Variants in KCNS1 observed in about 807,000 individuals in gnomAD.
KCNS1 encodes the protein delayed-rectifier potassium channel regulatory subunit KCNS1.
Under a neutral mutation model 33.1 loss-of-function variants are expected in KCNS1, and 26 were observed. The observed-to-expected ratio is 0.79, with a 90% CI of 0.58 to 1.09. The LOEUF is 1.09. Among genes scored for constraint, KCNS1 ranks in the 50% least tolerant of loss-of-function variants. The pLI is 0.00. For missense variants in KCNS1, 702 were observed against 752.4 expected (o/e 0.93, Z 0.78); for synonymous variants, 299 against 338.8 (o/e 0.88, Z 1.29).
Position 45,094,625 on chromosome 20 carries a change from G to T in KCNS1, c.*245C>A. 4.1e-6 allele frequency: 2 copies of T among 491,060 alleles called. No homozygotes were observed. Among genetic ancestry groups the T allele is most frequent in the South Asian group, 5.8e-5 (2 of 34,340 alleles). The allele number at this position is 491,060 out of a possible 1,614,324, so 30.4% of individuals were successfully genotyped here. A position where few individuals can be genotyped will look rare whatever the true frequency, so the allele number is the denominator to read the frequency against. ...GTATCCTTTCAACTTCCTCCCTCTG[G>T]CTCATGCCTGCTTCATGAATGGCTT... On this transcript the variant is annotated 3_prime_UTR_variant, in exon 4 of 4. Transcript: ENST00000537075.
At position 45,092,231 on chromosome 20, in the gene KCNS1, T is replaced by A. The variant is rs890581792; in HGVS notation, c.*2639A>T. ...GCCTGAGAATGTGGATTCCAAGTCATTCCACATATTGCCCACCCTCTCCAA... is the reference window on the plus strand; with the variant it reads ...GCCTGAGAATGTGGATTCCAAGTCAATCCACATATTGCCCACCCTCTCCAA... On this transcript the variant is annotated 3_prime_UTR_variant, in exon 4 of 4. Coordinates refer to ENST00000537075, the MANE Select transcript of KCNS1 (RefSeq NM_001322799.2). 6.6e-6 allele frequency: 1 copy of A among 152,126 alleles called. No homozygotes were observed. The highest frequency in any genetic ancestry group is 1.5e-5 in the Non-Finnish European group (1 of 68,034). 9.4% of individuals were successfully genotyped at this position (152,126 alleles called of 1,614,324 possible).
chr20:45,094,867 G>T lies in KCNS1; in HGVS notation c.*3C>A, dbSNP rs764581184. On this transcript the variant is annotated 3_prime_UTR_variant, in exon 4 of 4. Transcript: ENST00000537075. ...CATGGCAGGGGGTCACGGATCCCTG[G>T]TTTTAATACATCTGAGGGTGTGGAG... The T allele has an allele frequency of 6.2e-7, 1 of 1,603,178 alleles. No homozygotes were observed. Among genetic ancestry groups the T allele is most frequent in the Admixed American group, 1.7e-5 (1 of 58,906 alleles).
rs1488420150 is a variant in KCNS1, at chr20:45,093,059, T to C, written c.*1811A>G. The C allele has an allele frequency of 1.3e-5, 2 of 152,100 alleles. No individual in the cohort carries two copies. 9.4% of individuals were successfully genotyped at this position (152,100 alleles called of 1,614,324 possible). A position where few individuals can be genotyped will look rare whatever the true frequency, so the allele number is the denominator to read the frequency against. ...TCAGAAGCCAGTATATCAGAGTGGC[T>C]GGGCATAACACAACGGCATGTGTGT... On this transcript the variant is annotated 3_prime_UTR_variant, in exon 4 of 4. Coordinates refer to ENST00000537075, the MANE Select transcript of KCNS1 (RefSeq NM_001322799.2).
At position 45,095,114 on chromosome 20, in the gene KCNS1, A is replaced by T. The variant is rs770254063; in HGVS notation, c.1337T>A (p.Ile446Asn). ...GGTGATGGGGAGTGCTACCACCAGGATGCCCCCTAGGATGCAGCCTGAGGC... is the reference window on the plus strand; with the variant it reads ...GGTGATGGGGAGTGCTACCACCAGGTTGCCCCCTAGGATGCAGCCTGAGGC... ...LAASGCILGG[I>N]LVVALPITII... Residue 446 changes from isoleucine to asparagine, a missense_variant, in exon 4 of 4, where the codon ATC (isoleucine) becomes AAC (asparagine). Physicochemically the swap from Ile to Asn is moderately radical, Grantham distance 149. Around this residue, in one of 3 missense-constraint regions of KCNS1, gnomAD observed 253 missense variants for 327.4 expected, o/e 0.77. Coordinates refer to ENST00000537075, the MANE Select transcript of KCNS1 (RefSeq NM_001322799.2). The T allele has an allele frequency of 6.2e-6, 10 of 1,613,888 alleles. No homozygotes were observed. The South Asian group carries it at 1.1e-4, about 18-fold the overall frequency.
chr20:45,093,180 C>T lies in KCNS1; in HGVS notation c.*1690G>A, dbSNP rs1981056823. 2 of 152,144 alleles carry T rather than the reference C, an allele frequency of 1.3e-5. No individual in the cohort carries two copies. The highest frequency in any genetic ancestry group is 6.5e-5 in the Admixed American group (1 of 15,274). The allele number at this position is 152,144 out of a possible 1,614,324, so 9.4% of individuals were successfully genotyped here. ...AGATTCTTAAAATATAATAAAAACA[C>T]TGTTGGACTAAGCCGAAACATGACT... On this transcript the variant is annotated 3_prime_UTR_variant, in exon 4 of 4. Transcript: ENST00000537075.
chr20:45,098,318 A>C lies in KCNS1; in HGVS notation c.454T>G (p.Cys152Gly). ...GLGENALAAC[C>G]RARYLERRLT... The stretch of plus-strand genomic sequence containing the variant: ...CGCCTCTCCAGGTAGCGCGCGCGGC[A>C]GCACGCGGCAAGCGCGTTCTCGCCT... Residue 152 changes from cysteine (C) to glycine (G), a missense_variant, in exon 3 of 4, where the codon TGC (cysteine) becomes GGC (glycine). Transcript: ENST00000537075. This position sits in a 1 kb window ranked among gnomAD's most constrained non-coding sequence, Gnocchi z 5.2. The C allele has an allele frequency of 6.4e-7, 1 of 1,573,332 alleles. No homozygotes were observed. Among genetic ancestry groups the C allele is most frequent in the Non-Finnish European group, 8.6e-7 (1 of 1,161,374 alleles).
At position 45,093,742 on chromosome 20, in the gene KCNS1, G is replaced by A. The variant is rs1310039272; in HGVS notation, c.*1128C>T. The A allele has an allele frequency of 6.6e-6, 1 of 152,594 alleles. No individual in the cohort carries two copies. Among genetic ancestry groups the A allele is most frequent in the Non-Finnish European group, 1.5e-5 (1 of 68,324 alleles). 9.5% of individuals were successfully genotyped at this position (152,594 alleles called of 1,614,324 possible). On this transcript the variant is annotated 3_prime_UTR_variant, in exon 4 of 4. Coordinates refer to ENST00000537075, the MANE Select transcript of KCNS1 (RefSeq NM_001322799.2). ...GAGAGGACTCTCACACATGGGCCTG[G>A]ATGGGTACTCTAGGTAGGGCTGGAC...
chr20:45,097,438 C>G (rs1981218271), intron 3 of KCNS1, among the ~76,000 whole-genome samples: 1 of 152,210 alleles, frequency 6.6e-6, no homozygotes, highest in Admixed American at 6.5e-5. Flanking sequence ...CCAGTTTTCT[C>G]CCCAGGAAAA....
chr20:45,098,481 C>T lies in KCNS1; in HGVS notation c.291G>A (p.Glu97=). ...QARRLCDDYD[E]AAREFYFDRH... ...GGTCGAAGTAGAATTCGCGCGCCGC[C>T]TCGTCGTAGTCGTCGCACAGGCGCC... is the stretch of plus-strand genomic sequence containing the variant. Residue 97 remains glutamate, a synonymous_variant, in exon 3 of 4, where the codon GAG becomes GAA. Coordinates refer to ENST00000537075, the MANE Select transcript of KCNS1 (RefSeq NM_001322799.2). The surrounding 1 kb of genome is among the most constrained non-coding windows in gnomAD (Gnocchi z 5.2). The T allele has an allele frequency of 6.4e-7, 1 of 1,561,796 alleles. No individual in the cohort carries two copies.
rs1202570008 is a variant in KCNS1 at position 45,098,568 on chromosome 20, C to G, written c.204G>C (p.Leu68=). 7.2e-7 allele frequency: 1 copy of G among 1,387,850 alleles called. No individual in the cohort carries two copies. Among genetic ancestry groups the G allele is most frequent in the Non-Finnish European group, 9.4e-7 (1 of 1,069,428 alleles). The allele number at this position is 1,387,850 out of a possible 1,614,324, so 86.0% of individuals were successfully genotyped here. The change falls in exon 3 of 4, where the codon CTG becomes CTC. Residue 68 remains leucine, a synonymous_variant. Coordinates refer to ENST00000537075, the MANE Select transcript of KCNS1 (RefSeq NM_001322799.2). The surrounding 1 kb of genome is among the most constrained non-coding windows in gnomAD (Gnocchi z 5.2). The part of the protein sequence containing the change: ...GVRRQLSARA[L]ARFPGTRLGR... ...CCAGCCGCGTGCCCGGGAAGCGCGC[C>G]AGGGCGCGCGCGCTCAGCTGCCGCC...
chr20:45,095,209 C>T lies in KCNS1; in HGVS notation c.1242G>A (p.Trp414Ter). 1 of 1,614,078 alleles carries T rather than the reference C, an allele frequency of 6.2e-7. No homozygotes were observed. The highest frequency in any genetic ancestry group is 8.5e-7 in the Non-Finnish European group (1 of 1,180,010). The change falls in exon 4 of 4, where the codon TGG becomes TGA. Residue 414 changes from tryptophan (W) to a stop codon, truncating the protein, a stop_gained. Transcript: ENST00000537075. LOFTEE classifies it high-confidence loss of function. ...GFNTIPACWW[W>*]GTVSMTTVGY... ...CCACGGTGGTCATGCTCACTGTGCC[C>T]CACCACCAGCAGGCTGGGATGGTGT...
chr20:45,099,280 G>C, intron 1 of KCNS1, 41 bp from the exon 2 acceptor site: 1 of 1,070,488 alleles, frequency 9.3e-7, no homozygotes, highest in Non-Finnish European at 1.4e-6. Context: ...GCCTGCCATC[G>C]ATTTACTGAA....
In KCNS1 at chr20:45,094,953, A is replaced by T; in HGVS notation, c.1498T>A (p.Ser500Thr). The T allele has an allele frequency of 6.2e-7, 1 of 1,613,716 alleles. No individual in the cohort carries two copies. Among genetic ancestry groups the T allele is most frequent in the South Asian group, 1.1e-5 (1 of 91,052 alleles). Residue 500 changes from serine to threonine, a missense_variant, in exon 4 of 4, where the codon TCC (serine) becomes ACC (threonine). Transcript: ENST00000537075. ...DGVSEASLET[S>T]RETSQEGQSA... ...TGTCCCTCCTGAGAGGTTTCTCGGG[A>T]TGTCTCCAGAGATGCCTCCGACACC... is the stretch of plus-strand genomic sequence containing the variant.
At chr20:45,099,601 C>A (rs1478169645) in intron 1 of KCNS1, among the ~76,000 whole-genome samples, 1 of 152,220 alleles carries the variant, frequency 6.6e-6, no homozygotes, top group East Asian at 1.9e-4. Context: ...GTGTCACTAT[C>A]TTCTGGAGTC....
intron 1 of KCNS1, among the ~76,000 whole-genome samples, chr20:45,100,594 T>C (rs1233687178): frequency 1.3e-5 from 2 of 152,158 alleles, no homozygotes; most frequent in African/African-American, 4.8e-5. Context: ...GGAGACCAGG[T>C]TTTTTTATTT....
In KCNS1 at chr20:45,098,704, AC is replaced by A. The variant is rs1981300993; in HGVS notation, c.77-10del. ...GGTTTCAGTGCTCCTCCCTGCGGACACCAGAAGGGCGCGCTGAGGAGTTCCC... is the reference window on the plus strand; with the variant it reads ...GGTTTCAGTGCTCCTCCCTGCGGACACAGAAGGGCGCGCTGAGGAGTTCCC... On this transcript the variant is annotated splice_polypyrimidine_tract_variant and intron_variant, in intron 2 of 3. Coordinates refer to ENST00000537075, the MANE Select transcript of KCNS1 (RefSeq NM_001322799.2). This position sits in a 1 kb window ranked among gnomAD's most constrained non-coding sequence, Gnocchi z 5.2. The A allele has an allele frequency of 7.2e-7, 1 of 1,393,660 alleles. No individual in the cohort carries two copies. The allele number at this position is 1,393,660 out of a possible 1,614,324, so 86.3% of individuals were successfully genotyped here. A position where few individuals can be genotyped will look rare whatever the true frequency, so the allele number is the denominator to read the frequency against.
chr20:45,096,074 C>T (rs773653631), intron 3 of KCNS1, among the ~76,000 whole-genome samples: 6 of 152,180 alleles, frequency 3.9e-5, no homozygotes, highest in African/African-American at 9.7e-5. Flanking sequence ...GTCAGTAATG[C>T]GAGGCTGAGA....
chr20:45,096,354 C>T (rs1227149389), intron 3 of KCNS1, among the ~76,000 whole-genome samples: 1 of 152,170 alleles, frequency 6.6e-6, no homozygotes, highest in East Asian at 1.9e-4. Context: ...CTAGTAGTGT[C>T]AGGCCCTGGC....
chr20:45,095,659 G>T (rs1600599281), intron 3 of KCNS1, among the ~76,000 whole-genome samples: 1 of 152,344 alleles, frequency 6.6e-6, no homozygotes, highest in East Asian at 1.9e-4. Flanking sequence ...TTACACTGTT[G>T]CAGAACCAAG....
Sources: gnomAD v4.1 joint callset for allele counts (sites outside exome capture counted in the v4.1 genomes callset) on GRCh38, gnomAD v4.1.1 for gene constraint, gnomAD v4.1.1 regional missense constraint, Gnocchi (gnomAD v3.1) non-coding constraint, MANE v1.5 for transcripts, NCBI Gene and HGNC (gene_info 2026-07-23, HGNC 2026-07-21) for gene names.